The following EED variants were observed in gnomAD, a reference collection of about 807,000 sequenced individuals.
EED encodes polycomb protein EED.
EED carries 9 observed loss-of-function variants against 61.0 expected under a neutral mutation model. That is an observed-to-expected ratio of 0.15 (90% CI 0.09 to 0.26). The LOEUF (loss-of-function observed/expected upper bound fraction) is 0.26, where lower values mean the gene tolerates loss of function less well. EED is among the 10% of genes least tolerant of loss of function. The pLI, the probability that EED is intolerant of heterozygous loss-of-function variation, is 1.00. For missense variants in EED, 315 were observed against 542.3 expected (o/e 0.58, Z 4.16); for synonymous variants, 187 against 174.4 (o/e 1.07, Z -0.57).
chr11:86,255,966 A>G (rs1945660257), intron 4 of EED, among the ~76,000 whole-genome samples: 1 of 152,222 alleles, frequency 6.6e-6, no homozygotes, highest in Non-Finnish European at 1.5e-5. Context: ...CTGTCTCACA[A>G]AGAAAAAAGT....
intron 6 of EED, among the ~76,000 whole-genome samples, chr11:86,263,751 G>T (rs982026068): frequency 1.3e-5 from 2 of 152,318 alleles, no homozygotes; most frequent in East Asian, 3.9e-4. Context: ...AGAACATGGT[G>T]CCGGCATCTG....
chr11:86,282,774 G>C (rs2138248978), downstream of EED, among the ~76,000 whole-genome samples: 1 of 152,294 alleles, frequency 6.6e-6, no homozygotes, highest in East Asian at 1.9e-4. Context: ...CTCTGCTGCT[G>C]TAGGGCGAAA....
At chr11:86,276,758 G>A in intron 9 of EED, 2 of 351,380 alleles carry the variant, frequency 5.7e-6, no homozygotes, top group Non-Finnish European at 1.0e-5. Context: ...CAGACAATGT[G>A]ATTCTTTTGT....
At chr11:86,250,936 T>C (rs998711460) in intron 2 of EED, among the ~76,000 whole-genome samples, 7 of 152,198 alleles carry the variant, frequency 4.6e-5, no homozygotes, top group Non-Finnish European at 7.4e-5. Flanking sequence ...CTTTTTAATA[T>C]TAAATATTTA....
chr11:86,262,609 C>A (rs117943038), intron 6 of EED, among the ~76,000 whole-genome samples: 2,435 of 152,228 alleles, frequency 0.016, 46 homozygotes, highest in Non-Finnish European at 0.021. Context: ...CGGCACCATG[C>A]CAGTGATCCT....
At chr11:86,261,186 T>C (rs780566250) in intron 6 of EED, among the ~76,000 whole-genome samples, 2 of 152,194 alleles carry the variant, frequency 1.3e-5, no homozygotes, top group African/African-American at 2.4e-5. Context: ...AGGCATCTTA[T>C]CTATTTTCAA....
At chr11:86,248,456 C>T (rs1372191446) in intron 1 of EED, among the ~76,000 whole-genome samples, 1 of 152,126 alleles carries the variant, frequency 6.6e-6, no homozygotes, top group Non-Finnish European at 1.5e-5. Context: ...AATTTCAGTT[C>T]TCTAGTGTTA....
At chr11:86,274,976 T>A (rs1339112589) in intron 9 of EED, among the ~76,000 whole-genome samples, 2 of 152,206 alleles carry the variant, frequency 1.3e-5, no homozygotes, top group Non-Finnish European at 2.9e-5. Context: ...GAAAATTTTG[T>A]CCTGTTAGGC....
At chr11:86,270,895 C>G (rs1593763031) in intron 9 of EED, among the ~76,000 whole-genome samples, 1 of 152,188 alleles carries the variant, frequency 6.6e-6, no homozygotes, top group Non-Finnish European at 1.5e-5. Flanking sequence ...TCCACCAGTA[C>G]TACATACACA....
At chr11:86,262,089 C>T (rs1340263433) in intron 6 of EED, among the ~76,000 whole-genome samples, 1 of 152,054 alleles carries the variant, frequency 6.6e-6, no homozygotes. Context: ...GCTATGTTGC[C>T]CAGGCTGGTC....
At chr11:86,250,672 T>G (rs1369543540) in intron 2 of EED, among the ~76,000 whole-genome samples, 2 of 152,142 alleles carry the variant, frequency 1.3e-5, no homozygotes, top group Non-Finnish European at 2.9e-5. Context: ...TTTAAATATG[T>G]GACAGTGTTG....
intron 5 of EED, among the ~76,000 whole-genome samples, chr11:86,256,799 A>C (rs773311917): frequency 2.6e-5 from 4 of 152,186 alleles, no homozygotes; most frequent in Non-Finnish European, 4.4e-5. Flanking sequence ...AATGAACAAT[A>C]AGAGGGAGTC....
rs1593754904 is a variant in EED, at chr11:86,266,304, A to AGGCCCTTTT, written c.860+88_860+89insGGCCCTTTT. 24 of 1,213,288 alleles carry AGGCCCTTTT rather than the reference A, an allele frequency of 2.0e-5. 1 individual carries two copies. In the East Asian group the frequency reaches 6.2e-4, roughly 31 times the overall value. The allele number at this position is 1,213,288 out of a possible 1,614,324, so 75.2% of individuals were successfully genotyped here. On this transcript the variant is annotated intron_variant, in intron 8 of 11. Transcript: ENST00000263360. ...TTCCCAAAATTGCTATATAAGCCCC[A>AGGCCCTTTT]ACAATGAGTTTAGAAGACCTTCTTT...
At chr11:86,261,963 A>T (rs192472030) in intron 6 of EED, among the ~76,000 whole-genome samples, 81 of 152,262 alleles carry the variant, frequency 5.3e-4, no homozygotes, top group Middle Eastern at 3.4e-3. Flanking sequence ...GGTGAATAGA[A>T]CCTGCCTTCT....
chr11:86,286,638 A>G, the EED span, among the ~76,000 whole-genome samples: 1 of 152,090 alleles, frequency 6.6e-6, no homozygotes, highest in Non-Finnish European at 1.5e-5. Context: ...CATCTAGGAC[A>G]GTAGGTTTTA....
chr11:86,269,837 C>T (rs1946070032), intron 9 of EED, among the ~76,000 whole-genome samples: 1 of 152,146 alleles, frequency 6.6e-6, no homozygotes, highest in Non-Finnish European at 1.5e-5. Flanking sequence ...CAGTAGTTCT[C>T]CTTTTTTATT....
At position 86,264,184 on chromosome 11, in the gene EED, G is replaced by A; in HGVS notation, c.647G>A (p.Arg216Gln). The A allele has an allele frequency of 6.2e-7, 1 of 1,613,482 alleles. No homozygotes were observed. The change falls in exon 7 of 12, where the codon CGA becomes CAA. Residue 216 changes from arginine to glutamine, a missense_variant. Transcript: ENST00000263360. Reference protein sequence around the residue: ...LLSVSKDHALRLWNIQTDTLV... With the variant: ...LLSVSKDHALQLWNIQTDTLV... ...ATGTTTATACTAGATCATGCTTTAC[G>A]ATTATGGAATATCCAGACGGACACT...
chr11:86,261,393 G>A (rs1945823224), intron 6 of EED, among the ~76,000 whole-genome samples: 1 of 151,874 alleles, frequency 6.6e-6, no homozygotes, highest in Non-Finnish European at 1.5e-5. Flanking sequence ...GGGCCCCAGA[G>A]GCCTTGGGCA....
At position 86,245,240 on chromosome 11, in the gene EED, G is replaced by A. The variant is rs766472086; in HGVS notation, c.11G>A (p.Arg4Lys). Residue 4 changes from arginine (R) to lysine (K), a missense_variant, in exon 1 of 12, where the codon AGG becomes AAG. Around this residue, in one of 2 missense-constraint regions of EED, gnomAD observed 110 missense variants for 86.9 expected, o/e 1.27. Coordinates refer to ENST00000263360, the MANE Select transcript of EED (RefSeq NM_003797.5). ...GGGAGGCGGAGGAATATGTCCGAGAGGGAAGTGTCGACTGCGCCGGCGGGA... is the reference window on the plus strand; with the variant it reads ...GGGAGGCGGAGGAATATGTCCGAGAAGGAAGTGTCGACTGCGCCGGCGGGA... Reference protein sequence around the residue: MSEREVSTAPAGTD... With the variant: MSEKEVSTAPAGTD... The A allele has an allele frequency of 4.3e-6, 7 of 1,613,290 alleles. No homozygotes were observed. The highest frequency in any genetic ancestry group is 3.3e-5 in the South Asian group (3 of 91,054).
Sources: allele counts gnomAD v4.1 joint callset (sites outside exome capture counted in the v4.1 genomes callset), GRCh38; gene constraint gnomAD v4.1.1; regional missense constraint gnomAD v4.1.1; transcripts MANE v1.5; gene names NCBI Gene and HGNC (gene_info 2026-07-23, HGNC 2026-07-21).